The following SERF2 variants were observed in gnomAD, a reference collection of about 807,000 sequenced individuals.
The protein encoded by SERF2 is small EDRK-rich factor 2.
In SERF2, 4 loss-of-function variants were observed where a neutral mutation model predicts 10.7. The ratio of observed to expected loss-of-function variants is 0.37; its 90% CI spans 0.18 to 0.86. The LOEUF (loss-of-function observed/expected upper bound fraction) is 0.86, where lower values mean the gene tolerates loss of function less well. Among genes scored for constraint, SERF2 ranks in the 40% least tolerant of loss-of-function variants. The probability of loss-of-function intolerance (pLI) is 0.43; values close to 1 mark genes in which losing one functional copy is unlikely to be tolerated. For synonymous variants in SERF2, 26 were observed against 26.0 expected, an observed-to-expected ratio of 1.00 and a Z score of 0.01; for missense variants, 47 against 79.1, an observed-to-expected ratio of 0.59 and a Z score of 1.54.
rs1438882018 is a variant in SERF2, at chr15:43,796,064, CT to C, written c.*2292del. ...AATAAAAGGTAACAGCAGCTATAAT[CT>C]GAGCATTCTGGGTAGAGGTTGGTAG... On this transcript the variant is annotated 3_prime_UTR_variant, in exon 3 of 3. Transcript: ENST00000249786. The C allele has an allele frequency of 4.3e-6, 4 of 939,628 alleles. No individual in the cohort carries two copies. In the African/African-American group the frequency reaches 6.5e-5, roughly 15 times the overall value. The allele number at this position is 939,628 out of a possible 1,614,324, so 58.2% of individuals were successfully genotyped here.
intron 1 of SERF2, among the ~76,000 whole-genome samples, chr15:43,784,892 A>T (rs2086993234): frequency 6.6e-6 from 1 of 151,792 alleles, no homozygotes; most frequent in African/African-American, 2.4e-5. Context: ...AGCTGGGACT[A>T]TAGGCGCGCA....
intron 2 of SERF2, chr15:43,793,440 G>A: frequency 2.4e-6 from 2 of 839,108 alleles, no homozygotes; most frequent in Non-Finnish European, 3.6e-6. Flanking sequence ...CTCCTCACTG[G>A]TGTTGCTGGG....
chr15:43,790,993 G>A (rs1178852102), upstream of SERF2, among the ~76,000 whole-genome samples: 1 of 150,022 alleles, frequency 6.7e-6, no homozygotes, highest in African/African-American at 2.5e-5. Context: ...TGGTCTCGAT[G>A]TCCTGACCTC....
In SERF2 at chr15:43,793,806, T is replaced by A. The variant is rs1596042089; in HGVS notation, c.*33T>A. ...GCTTCGTGTCCAACCCTCTTGCCCT[T>A]CGCCTGTGTGCCTGGAGCCAGTCCC... On this transcript the variant is annotated 3_prime_UTR_variant, in exon 3 of 3. Transcript: ENST00000249786. The A allele has an allele frequency of 6.2e-7, 1 of 1,614,156 alleles. No homozygotes were observed. The highest frequency in any genetic ancestry group is 1.1e-5 in the South Asian group (1 of 91,074).
chr15:43,785,817 C>T (rs1382716028), intron 2 of SERF2, among the ~76,000 whole-genome samples: 4 of 147,776 alleles, frequency 2.7e-5, no homozygotes, highest in Non-Finnish European at 4.5e-5. Context: ...GCAATTCTTG[C>T]GCCTCAGCCT....
chr15:43,791,251 CT>C (rs199719349), upstream of SERF2, among the ~76,000 whole-genome samples: 4 of 145,662 alleles, frequency 2.7e-5, no homozygotes, highest in Non-Finnish European at 3.0e-5. Flanking sequence ...TTCTTATTAA[CT>C]TTTTTTTTAG....
chr15:43,785,415 T>C (rs1490197655), exon 2 of SERF2: 5 of 151,966 alleles, frequency 3.3e-5, no homozygotes, highest in African/African-American at 7.2e-5. Context: ...TTTAGAGACA[T>C]AGTCTTGCTC....
Position 43,796,053 on chromosome 15 carries a change from G to A in SERF2, c.*2280G>A, listed in dbSNP as rs2087208287. ...TGTGGGTACTCAATAAAAGGTAACA[G>A]CAGCTATAATCTGAGCATTCTGGGT... is the stretch of plus-strand genomic sequence containing the variant. On this transcript the variant is annotated 3_prime_UTR_variant, in exon 3 of 3. Coordinates refer to ENST00000249786, the MANE Select transcript of SERF2 (RefSeq NM_001018108.4). 2 of 849,378 alleles carry A rather than the reference G, an allele frequency of 2.4e-6. No individual in the cohort carries two copies. The highest frequency in any genetic ancestry group is 1.5e-5 in the South Asian group (1 of 68,506). The allele number at this position is 849,378 out of a possible 1,614,324, so 52.6% of individuals were successfully genotyped here.
chr15:43,782,168 C>A (rs981731963), intron 1 of SERF2, among the ~76,000 whole-genome samples: 1 of 151,894 alleles, frequency 6.6e-6, no homozygotes, highest in Non-Finnish European at 1.5e-5. Context: ...GGATTACAAG[C>A]GTGAGCCACC....
chr15:43,789,136 G>T (rs1447967829), upstream of SERF2, among the ~76,000 whole-genome samples: 3 of 147,738 alleles, frequency 2.0e-5, no homozygotes, highest in Non-Finnish European at 4.5e-5. Context: ...GCGACAGAGT[G>T]AGACTCTGTC....
chr15:43,785,361 G>GC (rs972913386), intron 1 of SERF2: 3 of 151,912 alleles, frequency 2.0e-5, no homozygotes, highest in Non-Finnish European at 4.4e-5. Context: ...GATCCACCGC[G>GC]CCCCGCCTGA....
At chr15:43,789,384 C>T (rs141510701), upstream of SERF2, among the ~76,000 whole-genome samples, 97 of 152,256 alleles carry the variant, frequency 6.4e-4, no homozygotes, top group African/African-American at 2.1e-3. Flanking sequence ...GGCCTTCACA[C>T]GTGCTGTTCC....
chr15:43,780,772 C>T (rs1193361329), intron 1 of SERF2, among the ~76,000 whole-genome samples: 1 of 152,170 alleles, frequency 6.6e-6, no homozygotes, highest in East Asian at 1.9e-4. Flanking sequence ...CTCCCATCCA[C>T]AAATGTAATG....
intron 2 of SERF2, among the ~76,000 whole-genome samples, chr15:43,786,146 C>T (rs1436286708): frequency 6.6e-6 from 1 of 151,694 alleles, no homozygotes; most frequent in Non-Finnish European, 1.5e-5. Context: ...CCAGACACAG[C>T]GGCTCACGCC....
exon 1 of SERF2, chr15:43,777,197 G>A: frequency 1.7e-6 from 1 of 587,044 alleles, no homozygotes; most frequent in Non-Finnish European, 3.3e-6. Flanking sequence ...GAAAGAGTCC[G>A]CGACCAGCGT....
Position 43,795,996 on chromosome 15 carries a change from G to C in SERF2, c.*2223G>C, listed in dbSNP as rs570003199. The C allele has an allele frequency of 6.4e-5, 43 of 669,232 alleles. No individual in the cohort carries two copies. The highest frequency in any genetic ancestry group is 6.3e-4 in the African/African-American group (35 of 55,516). 41.5% of individuals were successfully genotyped at this position (669,232 alleles called of 1,614,324 possible). ...TGAGGGTTAAATTAAATGAGATTAT[G>C]TAAAAGTATCTAGCACAGTTGCCTA... On this transcript the variant is annotated 3_prime_UTR_variant, in exon 3 of 3. Coordinates refer to ENST00000249786, the MANE Select transcript of SERF2 (RefSeq NM_001018108.4).
chr15:43,777,796 A>C (rs2086932358), intron 1 of SERF2, among the ~76,000 whole-genome samples: 1 of 151,990 alleles, frequency 6.6e-6, no homozygotes, highest in African/African-American at 2.4e-5. Flanking sequence ...TGGTGTCTCC[A>C]CTTGTTCCTG....
At chr15:43,780,812 ATGCACTGTGGCCATAACTTT>A (rs2086958574) in intron 1 of SERF2, among the ~76,000 whole-genome samples, 1 of 152,164 alleles carries the variant, frequency 6.6e-6, no homozygotes, top group South Asian at 2.1e-4. Context: ...GCACTTAATG[ATGCACTGTGGCCATAACTTT>A]TGCAGTTTGA....
intron 1 of SERF2, chr15:43,777,964 AT>A (rs35356771): frequency 0.57 from 71,594 of 125,760 alleles, 19,985 homozygotes; most frequent in East Asian, 0.71. Context: ...AAAAAAATAC[AT>A]TTTTTTTTTT....
Sources: allele counts gnomAD v4.1 joint callset (sites outside exome capture counted in the v4.1 genomes callset), GRCh38; gene constraint gnomAD v4.1.1; transcripts MANE v1.5; gene names NCBI Gene and HGNC (gene_info 2026-07-23, HGNC 2026-07-21).